Variants in TNFAIP8L3 observed in about 807,000 individuals in gnomAD.
TNFAIP8L3 encodes TNF alpha induced protein 8 like 3, also known as tumor necrosis factor alpha-induced protein 8-like protein 3.
In TNFAIP8L3, 7 loss-of-function variants were observed where a neutral mutation model predicts 11.8. That is an observed-to-expected ratio of 0.59 (90% CI 0.34 to 1.11). The LOEUF is 1.11. Ranked by LOEUF, TNFAIP8L3 falls within the 50% of genes most tolerant of loss-of-function variation. The pLI, the probability that TNFAIP8L3 is intolerant of heterozygous loss-of-function variation, is 0.03. For synonymous variants in TNFAIP8L3, 98 were observed against 103.8 expected (o/e 0.94, Z 0.34); for missense variants, 219 against 258.6 (o/e 0.85, Z 1.05).
intron 1 of TNFAIP8L3, among the ~76,000 whole-genome samples, chr15:51,079,723 G>A (rs948616180): frequency 1.3e-5 from 2 of 151,952 alleles, no homozygotes; most frequent in Admixed American, 1.3e-4. Context: ...GGTGGCTCAT[G>A]CCTGTAATCT....
At position 51,093,533 on chromosome 15, in the gene TNFAIP8L3, C is replaced by A. The variant is rs376576094; in HGVS notation, c.52+1011G>T. On this transcript the variant is annotated intron_variant, in intron 1 of 1. Transcript: ENST00000637513. ...CTGATGGTGCCTTCTGTTACTTGGT[C>A]CCCACCGTCAGTACTCTAGTGTGAC... is the stretch of plus-strand genomic sequence containing the variant. 1.6e-4 allele frequency among the ~76,000 whole-genome samples: 25 copies of A among 152,308 alleles called. No homozygotes were observed. The East Asian group carries it at 2.1e-3, about 13-fold the overall frequency.
Position 51,073,066 on chromosome 15 carries a change from G to A in TNFAIP8L3, c.53-14623C>T, listed in dbSNP as rs561112436. On this transcript the variant is annotated intron_variant, in intron 1 of 1. Transcript: ENST00000637513. ...GGCTGGAGTGCAATGGTGCAATCTC[G>A]GCTCACTGCAACCTCCACCTCCCGG... 4.1e-5 allele frequency among the ~76,000 whole-genome samples: 6 copies of A among 147,056 alleles called. No individual in the cohort carries two copies. The South Asian group carries it at 8.5e-4, about 21-fold the overall frequency.
intron 1 of TNFAIP8L3, among the ~76,000 whole-genome samples, chr15:51,076,975 C>G (rs1485537771): frequency 1.3e-5 from 2 of 152,140 alleles, no homozygotes; most frequent in Non-Finnish European, 2.9e-5. Flanking sequence ...CCTCCTCTCC[C>G]GTGCTGGATT....
chr15:51,097,459 T>C (rs2065521780), upstream of TNFAIP8L3, among the ~76,000 whole-genome samples: 1 of 152,146 alleles, frequency 6.6e-6, no homozygotes, highest in Non-Finnish European at 1.5e-5. Context: ...TTGAGTGAAG[T>C]TCTTAGATAA....
At chr15:51,104,120 T>G (rs1228943581) in intron 1 of TNFAIP8L3, among the ~76,000 whole-genome samples, 1 of 152,168 alleles carries the variant, frequency 6.6e-6, no homozygotes, top group Non-Finnish European at 1.5e-5. Flanking sequence ...AGTCTCCAAA[T>G]TAGTGCCCTT....
At chr15:51,096,181 G>A (rs1384715840), upstream of TNFAIP8L3, among the ~76,000 whole-genome samples, 1 of 152,120 alleles carries the variant, frequency 6.6e-6, no homozygotes, top group East Asian at 1.9e-4. Flanking sequence ...GACTGCTATG[G>A]TACAGTGTCA....
intron 1 of TNFAIP8L3, chr15:51,104,925 A>G: frequency 6.3e-7 from 1 of 1,576,862 alleles, no homozygotes; most frequent in Non-Finnish European, 8.7e-7. Flanking sequence ...GTGCATCCTC[A>G]GCTCGCCACC....
intron 1 of TNFAIP8L3, among the ~76,000 whole-genome samples, chr15:51,089,702 T>C (rs1028347287): frequency 3.3e-5 from 5 of 152,252 alleles, no homozygotes; most frequent in Non-Finnish European, 7.3e-5. Context: ...TCTGGCCTTT[T>C]AGGGCAAAGT....
chr15:51,080,906 A>C (rs2065386773), intron 1 of TNFAIP8L3, among the ~76,000 whole-genome samples: 1 of 152,202 alleles, frequency 6.6e-6, no homozygotes, highest in African/African-American at 2.4e-5. Context: ...CCCTTGATGG[A>C]TGGTTTGCCT....
intron 1 of TNFAIP8L3, among the ~76,000 whole-genome samples, chr15:51,078,724 T>A (rs2065372159): frequency 6.6e-6 from 1 of 151,948 alleles, no homozygotes; most frequent in African/African-American, 2.4e-5. Flanking sequence ...CCTTGTATGA[T>A]ACGTGACTCT....
chr15:51,084,131 T>C (rs776722831), intron 1 of TNFAIP8L3, among the ~76,000 whole-genome samples: 16 of 152,198 alleles, frequency 1.1e-4, no homozygotes, highest in Non-Finnish European at 2.1e-4. Context: ...CGTGTGTGAC[T>C]GTGAGGGGAG....
chr15:51,089,244 C>T (rs962227452), intron 1 of TNFAIP8L3, among the ~76,000 whole-genome samples: 1 of 152,206 alleles, frequency 6.6e-6, no homozygotes, highest in Non-Finnish European at 1.5e-5. Context: ...TCCATCCGCC[C>T]ACCCACCCAC....
At chr15:51,083,306 C>T (rs557005888) in intron 1 of TNFAIP8L3, among the ~76,000 whole-genome samples, 21 of 152,162 alleles carry the variant, frequency 1.4e-4, no homozygotes, top group Non-Finnish European at 2.9e-4. Flanking sequence ...GATGGACTGA[C>T]GGTGGTGGTG....
chr15:51,058,186 T>G lies in TNFAIP8L3; in HGVS notation c.310A>C (p.Ile104Leu), dbSNP rs763442735. Residue 104 changes from isoleucine (I) to leucine (L), a missense_variant, in exon 2 of 2, where the codon ATT becomes CTT. By Grantham distance (5) the Ile-to-Leu change is conservative. Transcript: ENST00000637513. ...NNQFSQEELV[I>L]VEKFRKKLNQ... Reference sequence around the variant, plus strand: ...AGCTTCTTCCGGAACTTCTCCACAATAACCAGCTCCTCTTGGCTAAACTGG... The same window carrying G: ...AGCTTCTTCCGGAACTTCTCCACAAGAACCAGCTCCTCTTGGCTAAACTGG... 4 of 1,614,246 alleles carry G rather than the reference T, an allele frequency of 2.5e-6. No homozygotes were observed. Among genetic ancestry groups the G allele is most frequent in the Non-Finnish European group, 3.4e-6 (4 of 1,180,046 alleles).
At chr15:51,105,268 C>T (rs2065582519) in exon 1 of TNFAIP8L3, 1 of 1,367,470 alleles carries the variant, frequency 7.3e-7, no homozygotes, top group Non-Finnish European at 1.0e-6. Context: ...TGAGGTAAGA[C>T]TAGCAAGTCA....
chr15:51,099,598 G>C (rs923137409), upstream of TNFAIP8L3, among the ~76,000 whole-genome samples: 2 of 152,126 alleles, frequency 1.3e-5, no homozygotes, highest in Non-Finnish European at 2.9e-5. Context: ...ATCACACATG[G>C]TGTGTGATCT....
chr15:51,082,703 T>A (rs890301972), intron 1 of TNFAIP8L3, among the ~76,000 whole-genome samples: 1 of 152,140 alleles, frequency 6.6e-6, no homozygotes, highest in Non-Finnish European at 1.5e-5. Flanking sequence ...TTCCTTTATA[T>A]CTTTATTCTA....
chr15:51,062,149 C>T (rs911920289), intron 1 of TNFAIP8L3, among the ~76,000 whole-genome samples: 13 of 152,102 alleles, frequency 8.5e-5, no homozygotes, highest in African/African-American at 3.1e-4. Context: ...TGCCATGCAC[C>T]TGTAGTCTCA....
intron 1 of TNFAIP8L3, among the ~76,000 whole-genome samples, chr15:51,066,091 A>T (rs975384956): frequency 2.6e-5 from 4 of 151,730 alleles, no homozygotes; most frequent in Admixed American, 6.5e-5. Context: ...AAAACAAAAA[A>T]TGGAAGAACT....
Sources: gnomAD v4.1 joint callset for allele counts (sites outside exome capture counted in the v4.1 genomes callset) on GRCh38, gnomAD v4.1.1 for gene constraint, MANE v1.5 for transcripts, NCBI Gene and HGNC (gene_info 2026-07-23, HGNC 2026-07-21) for gene names.